Variants in DLGAP1 observed in about 807,000 individuals in gnomAD.
DLGAP1 encodes DLG associated protein 1.
Under a neutral mutation model 90.8 loss-of-function variants are expected in DLGAP1, and 11 were observed. The ratio of observed to expected loss-of-function variants is 0.12; its 90% CI spans 0.08 to 0.20. The LOEUF (loss-of-function observed/expected upper bound fraction) is 0.20. Ranked by LOEUF, DLGAP1 falls within the 10% of genes least tolerant of loss-of-function variation. DLGAP1 has a pLI of 1.00. For synonymous variants in DLGAP1, 558 were observed against 540.7 expected, an observed-to-expected ratio of 1.03 and a Z score of -0.44; for missense variants, 1,050 against 1,333.8, an observed-to-expected ratio of 0.79 and a Z score of 3.31.
chr18:3,594,600 A>T (rs1202030366), intron 7 of DLGAP1: 1 of 152,092 alleles, frequency 6.6e-6, no homozygotes, highest in Non-Finnish European at 1.5e-5. Context: ...ACCTTAACAA[A>T]AACTTCACCT....
At chr18:3,919,034 C>T (rs1209034159) in intron 3 of DLGAP1, among the ~76,000 whole-genome samples, 3 of 152,164 alleles carry the variant, frequency 2.0e-5, no homozygotes, top group African/African-American at 7.2e-5. Context: ...ATGCACAGTC[C>T]AATGAGAATT....
intron 7 of DLGAP1, among the ~76,000 whole-genome samples, chr18:3,612,984 G>A (rs1034196458): frequency 6.6e-6 from 1 of 152,076 alleles, no homozygotes; most frequent in Admixed American, 6.6e-5. Context: ...GGGATTACAG[G>A]CGCCCGCCAC....
chr18:3,935,472 T>A (rs1298700489), intron 3 of DLGAP1, among the ~76,000 whole-genome samples: 1 of 152,214 alleles, frequency 6.6e-6, no homozygotes, highest in Admixed American at 6.5e-5. Context: ...TACTCAAGTA[T>A]GCCTCTAAGG....
rs372763961 is a variant in DLGAP1 at position 3,979,687 on chromosome 18, TAA to T, written c.-73+25427_-73+25428del. ...AGCATAATGTTTATTTCAATATTGC[TAA>T]AATACATTTTTAATGTTCTTACCAC... On this transcript the variant is annotated intron_variant, in intron 3 of 12. Transcript: ENST00000315677. Among the ~76,000 whole-genome samples the T allele has an allele frequency of 1.2e-4, 19 of 152,332 alleles. No homozygotes were observed. The East Asian group carries it at 1.3e-3, about 11-fold the overall frequency.
At chr18:4,337,143 G>C (rs67174668) in intron 1 of DLGAP1, among the ~76,000 whole-genome samples, 1 of 132,418 alleles carries the variant, frequency 7.6e-6, no homozygotes, top group African/African-American at 2.7e-5. Context: ...AAAAAAAAAA[G>C]AGCAAAAGTA....
intron 7 of DLGAP1, among the ~76,000 whole-genome samples, chr18:3,719,869 G>A (rs887838777): frequency 6.6e-6 from 1 of 152,206 alleles, no homozygotes; most frequent in Non-Finnish European, 1.5e-5. Flanking sequence ...CATAGTGGAT[G>A]AGATGGACTC....
chr18:4,225,197 T>C lies in DLGAP1; in HGVS notation c.-266-73910A>G, dbSNP rs530751925. ...ATTTCAGCGGTCAGATCTTCAAGCC[T>C]CTATGAGGCTGGAAGAGTCACAGCA... On this transcript the variant is annotated intron_variant, in intron 1 of 12. Transcript: ENST00000315677. 5.3e-5 allele frequency among the ~76,000 whole-genome samples: 8 copies of C among 152,218 alleles called. No homozygotes were observed. The South Asian group carries it at 8.3e-4, about 16-fold the overall frequency.
intron 1 of DLGAP1, among the ~76,000 whole-genome samples, chr18:4,371,094 G>C (rs1020030163): frequency 3.3e-5 from 5 of 152,122 alleles, no homozygotes; most frequent in African/African-American, 1.2e-4. Context: ...AAGAGCAGTT[G>C]TTGTAGTTGT....
chr18:4,406,224 G>C (rs1369621507), intron 1 of DLGAP1, among the ~76,000 whole-genome samples: 1 of 152,128 alleles, frequency 6.6e-6, no homozygotes, highest in Admixed American at 6.5e-5. Flanking sequence ...ATTGGTTGTG[G>C]GAGTGGACCA....
intron 1 of DLGAP1, among the ~76,000 whole-genome samples, chr18:4,171,008 C>T (rs962223349): frequency 1.3e-5 from 2 of 151,834 alleles, no homozygotes; most frequent in East Asian, 1.9e-4. Flanking sequence ...TGAGTATATG[C>T]GCTCATATAT....
chr18:4,381,461 G>A (rs73941479), intron 1 of DLGAP1, among the ~76,000 whole-genome samples: 4,656 of 152,222 alleles, frequency 0.031, 120 homozygotes, highest in African/African-American at 0.073. Flanking sequence ...ATAATCTTCT[G>A]TGGAATAAAG....
chr18:3,985,026 T>G (rs1222007253), intron 3 of DLGAP1, among the ~76,000 whole-genome samples: 1 of 152,184 alleles, frequency 6.6e-6, no homozygotes, highest in Non-Finnish European at 1.5e-5. Flanking sequence ...TGTCCCTTCT[T>G]GGAAATCACT....
chr18:3,627,067 A>G (rs955201249), intron 7 of DLGAP1, among the ~76,000 whole-genome samples: 1 of 152,182 alleles, frequency 6.6e-6, no homozygotes, highest in Non-Finnish European at 1.5e-5. Flanking sequence ...AAAGAATTAC[A>G]TGGTCTCATG....
chr18:4,240,477 A>G (rs2078509700), intron 1 of DLGAP1, among the ~76,000 whole-genome samples: 1 of 152,190 alleles, frequency 6.6e-6, no homozygotes, highest in Admixed American at 6.5e-5. Context: ...TTTCTGGAAC[A>G]TCAATATCAG....
At chr18:4,380,850 G>T (rs1041572317) in intron 1 of DLGAP1, among the ~76,000 whole-genome samples, 7 of 152,138 alleles carry the variant, frequency 4.6e-5, no homozygotes, top group African/African-American at 1.7e-4. Context: ...CTTGAGATAT[G>T]TTCCAGAAGG....
At chr18:3,872,859 T>G (rs1301118035) in intron 4 of DLGAP1, among the ~76,000 whole-genome samples, 1 of 152,208 alleles carries the variant, frequency 6.6e-6, no homozygotes, top group Non-Finnish European at 1.5e-5. Context: ...TACTGGCCAC[T>G]GAGAGATCCA....
chr18:4,408,885 C>T (rs78016547), intron 1 of DLGAP1, among the ~76,000 whole-genome samples: 2,185 of 151,972 alleles, frequency 0.014, 63 homozygotes, highest in African/African-American at 0.05. Flanking sequence ...AATTTGACAA[C>T]ATCTAGGAAA....
At chr18:3,525,841 G>C (rs1466781675) in intron 10 of DLGAP1, among the ~76,000 whole-genome samples, 2 of 152,198 alleles carry the variant, frequency 1.3e-5, no homozygotes, top group African/African-American at 4.8e-5. Context: ...TCCAGGCCCA[G>C]TTCTGCCCCC....
At chr18:4,351,805 T>C (rs2081408279) in intron 1 of DLGAP1, among the ~76,000 whole-genome samples, 1 of 152,244 alleles carries the variant, frequency 6.6e-6, no homozygotes, top group African/African-American at 2.4e-5. Context: ...TTTTATTCTA[T>C]ACATTTTGTT....
Sources: gnomAD v4.1 joint callset for allele counts (sites outside exome capture counted in the v4.1 genomes callset) on GRCh38, gnomAD v4.1.1 for gene constraint, MANE v1.5 for transcripts, NCBI Gene and HGNC (gene_info 2026-07-23, HGNC 2026-07-21) for gene names.